The following OSGIN2 variants were observed in gnomAD, a reference collection of about 807,000 sequenced individuals.
The protein encoded by OSGIN2 is oxidative stress induced growth inhibitor family member 2, also known as oxidative stress-induced growth inhibitor 2.
A neutral mutation model predicts 53.8 loss-of-function variants in OSGIN2; 19 were observed. That is an observed-to-expected ratio of 0.35 (90% CI 0.25 to 0.52). The LOEUF is 0.52. Among genes scored for constraint, OSGIN2 ranks in the 20% least tolerant of loss-of-function variants. OSGIN2 has a pLI of 0.95. For synonymous variants in OSGIN2, 236 were observed against 236.0 expected, an observed-to-expected ratio of 1.00 and a Z score of 0.00; for missense variants, 520 against 662.7, an observed-to-expected ratio of 0.78 and a Z score of 2.36.
intron 4 of OSGIN2, among the ~76,000 whole-genome samples, chr8:89,917,960 C>G (rs1382778807): frequency 6.6e-6 from 1 of 152,124 alleles, no homozygotes; most frequent in Non-Finnish European, 1.5e-5. Flanking sequence ...TTATTTCCAT[C>G]TTTAAAAAAA....
Position 89,924,745 on chromosome 8 carries a change from C to T in OSGIN2, c.863C>T (p.Ala288Val). Reference sequence around the variant, plus strand: ...GAAATTAGGGGTTATCAGCGAATAGCTGATGGTTCTCATGTTCCCTTCTGC... The same window carrying T: ...GAAATTAGGGGTTATCAGCGAATAGTTGATGGTTCTCATGTTCCCTTCTGC... ...NWEIRGYQRI[A>V]DGSHVPFCLF... Residue 288 changes from alanine (A) to valine (V), a missense_variant, in exon 6 of 6, where the codon GCT becomes GTT. Around this residue, in one of 3 missense-constraint regions of OSGIN2, gnomAD observed 239 missense variants for 328.3 expected, o/e 0.73. Transcript: ENST00000451899. 1 of 1,614,154 alleles carries T rather than the reference C, an allele frequency of 6.2e-7. No homozygotes were observed. The highest frequency in any genetic ancestry group is 8.5e-7 in the Non-Finnish European group (1 of 1,179,998).
chr8:89,916,550 A>G (rs568823834), intron 4 of OSGIN2, among the ~76,000 whole-genome samples: 34 of 152,246 alleles, frequency 2.2e-4, no homozygotes, highest in African/African-American at 8.2e-4. Context: ...CTCCCCTGCT[A>G]TGGTTTATGT....
intron 4 of OSGIN2, among the ~76,000 whole-genome samples, chr8:89,918,433 G>C (rs1205941212): frequency 2.0e-5 from 3 of 152,040 alleles, no homozygotes; most frequent in Non-Finnish European, 4.4e-5. Flanking sequence ...CCCAGTGCTG[G>C]GATTGCAGGT....
rs1163439576 is a variant in OSGIN2 at position 89,926,755 on chromosome 8, T to C, written c.*1223T>C. On this transcript the variant is annotated 3_prime_UTR_variant, in exon 6 of 6. Transcript: ENST00000451899. ...AATTGAATTTTTCAGTCATTTTCTT[T>C]TCTTTTTTTGGTACAATTACTTCAT... The C allele has an allele frequency of 1.3e-5, 2 of 152,224 alleles. No individual in the cohort carries two copies. The highest frequency in any genetic ancestry group is 4.1e-4 in the South Asian group (2 of 4,836). 9.4% of individuals were successfully genotyped at this position (152,224 alleles called of 1,614,324 possible). A position where few individuals can be genotyped will look rare whatever the true frequency, so the allele number is the denominator to read the frequency against.
In OSGIN2 at chr8:89,927,294, TAAAAAA is replaced by T. The variant is rs34201025; in HGVS notation, c.*1770_*1775del. The T allele has an allele frequency of 6.9e-6, 1 of 144,986 alleles. No homozygotes were observed. The highest frequency in any genetic ancestry group is 1.5e-5 in the Non-Finnish European group (1 of 65,700). The allele number at this position is 144,986 out of a possible 1,614,324, so 9.0% of individuals were successfully genotyped here. A position where few individuals can be genotyped will look rare whatever the true frequency, so the allele number is the denominator to read the frequency against. On this transcript the variant is annotated 3_prime_UTR_variant, in exon 6 of 6. Coordinates refer to ENST00000451899, the MANE Select transcript of OSGIN2 (RefSeq NM_001126111.3). ...CTTTTTTTGTGATGAGAGTATTTGT[TAAAAAA>T]AAAAAAAGACTTCAAGAAAAATAAA...
rs1563483737 is a variant in OSGIN2 at position 89,927,516 on chromosome 8, T to TATCA, written c.*1985_*1988dup. 1 of 152,228 alleles carries TATCA rather than the reference T, an allele frequency of 6.6e-6. No homozygotes were observed. Among genetic ancestry groups the TATCA allele is most frequent in the African/African-American group, 2.4e-5 (1 of 41,456 alleles). 9.4% of individuals were successfully genotyped at this position (152,228 alleles called of 1,614,324 possible). ...CTAACACTTTACATTTTTTCTTTGC[T>TATCA]ATCAGCTATAGCTATTCATGGAAGG... On this transcript the variant is annotated 3_prime_UTR_variant, in exon 6 of 6. Transcript: ENST00000451899.
chr8:89,903,347 T>A (rs1808769403), intron 1 of OSGIN2, among the ~76,000 whole-genome samples: 1 of 152,160 alleles, frequency 6.6e-6, no homozygotes, highest in Non-Finnish European at 1.5e-5. Flanking sequence ...GGTTTTACAA[T>A]CACCTTATGG....
At chr8:89,905,424 T>C (rs1808819209) in intron 1 of OSGIN2, among the ~76,000 whole-genome samples, 1 of 152,216 alleles carries the variant, frequency 6.6e-6, no homozygotes. Context: ...AATATCAAAT[T>C]GGAAATCTAG....
chr8:89,902,738 GGGGAGGCGGAGGCGGCCACGGCGGCC>G lies in OSGIN2; in HGVS notation c.-54_-29del. The G allele has an allele frequency of 9.2e-7, 1 of 1,088,924 alleles. No homozygotes were observed. The highest frequency in any genetic ancestry group is 1.1e-6 in the Non-Finnish European group (1 of 875,324). The allele number at this position is 1,088,924 out of a possible 1,614,324, so 67.5% of individuals were successfully genotyped here. ...GCGCCCCGAGCGGGCAGCCTCGCCG[GGGGAGGCGGAGGCGGCCACGGCGGCC>G]GCGCTCGGGCGCCCCTCGCGCAGCG... On this transcript the variant is annotated 5_prime_UTR_variant, in exon 1 of 6. Coordinates refer to ENST00000451899, the MANE Select transcript of OSGIN2 (RefSeq NM_001126111.3).
At position 89,924,610 on chromosome 8, in the gene OSGIN2, C is replaced by T; in HGVS notation, c.728C>T (p.Thr243Ile). 1.9e-6 allele frequency: 3 copies of T among 1,613,782 alleles called. No homozygotes were observed. Among genetic ancestry groups the T allele is most frequent in the Non-Finnish European group, 1.7e-6 (2 of 1,179,670 alleles). ...QKNFRENTYI[T>I]SVSRLYRDQD... ...AATTTCAGAGAGAATACTTACATAA[C>T]TTCCGTATCAAGACTCTACAGAGAT... Residue 243 changes from threonine to isoleucine, a missense_variant, in exon 6 of 6, where the codon ACT becomes ATT. This residue lies in a region of OSGIN2 where 78 missense variants were observed against 59.1 expected (regional missense o/e 1.32). Coordinates refer to ENST00000451899, the MANE Select transcript of OSGIN2 (RefSeq NM_001126111.3).
upstream of OSGIN2, chr8:89,902,560 G>C (rs1473956885): frequency 6.5e-6 from 1 of 153,488 alleles, no homozygotes; most frequent in Non-Finnish European, 1.4e-5. Context: ...GGCGCCCCGA[G>C]ATCACCCGCC....
In OSGIN2 at chr8:89,925,046, G is replaced by C; in HGVS notation, c.1164G>C (p.Gln388His). The change falls in exon 6 of 6, where the codon CAG becomes CAC. Residue 388 changes from glutamine to histidine, a missense_variant. Gln to His is a conservative substitution (Grantham distance 24, BLOSUM62 0). Transcript: ENST00000451899. Reference protein sequence around the residue: ...RVTDPSLIFKQLPKKLYPEYH... With the variant: ...RVTDPSLIFKHLPKKLYPEYH... Reference sequence around the variant, plus strand: ...CTGATCCAAGCTTAATTTTCAAACAGCTTCCCAAAAAGCTGTATCCTGAAT... The same window carrying C: ...CTGATCCAAGCTTAATTTTCAAACACCTTCCCAAAAAGCTGTATCCTGAAT... 6.2e-7 allele frequency: 1 copy of C among 1,613,604 alleles called. No homozygotes were observed. The highest frequency in any genetic ancestry group is 8.5e-7 in the Non-Finnish European group (1 of 1,179,550).
rs114228988 is a variant in OSGIN2, at chr8:89,902,863, G to A, written c.44+26G>A. ...GTGACTTCCTCGCCGGGGATGGGAG[G>A]GGAGCAGGCGGGGATGCCGCGCTCT... is the stretch of plus-strand genomic sequence containing the variant. On this transcript the variant is annotated intron_variant, in intron 1 of 5. Transcript: ENST00000451899. The A allele has an allele frequency of 1.1e-3, 1,503 of 1,353,020 alleles. 13 individuals are homozygous for A. In the African/African-American group the frequency reaches 0.02, roughly 18 times the overall value. The allele number at this position is 1,353,020 out of a possible 1,614,324, so 83.8% of individuals were successfully genotyped here.
In OSGIN2 at chr8:89,924,785, T is replaced by C. The variant is rs1809281106; in HGVS notation, c.903T>C (p.Asn301=). The C allele has an allele frequency of 1.2e-6, 2 of 1,614,214 alleles. No homozygotes were observed. The highest frequency in any genetic ancestry group is 1.7e-6 in the Non-Finnish European group (2 of 1,180,010). The part of the protein sequence containing the change: ...SHVPFCLFAE[N]VALATGTLDS... ...TTCCCTTCTGCCTCTTTGCTGAGAA[T>C]GTAGCGCTGGCAACTGGAACGCTGG... Residue 301 remains asparagine (N), a synonymous_variant, in exon 6 of 6, where the codon AAT becomes AAC. Coordinates refer to ENST00000451899, the MANE Select transcript of OSGIN2 (RefSeq NM_001126111.3).
chr8:89,912,924 T>TG (rs752780889), intron 2 of OSGIN2, among the ~76,000 whole-genome samples: 12 of 151,910 alleles, frequency 7.9e-5, no homozygotes, highest in Non-Finnish European at 1.3e-4. Context: ...CAACTCTGGG[T>TG]GGGGGGCCGC....
intron 5 of OSGIN2, among the ~76,000 whole-genome samples, chr8:89,921,614 G>C (rs897021801): frequency 6.6e-6 from 1 of 152,116 alleles, no homozygotes; most frequent in Non-Finnish European, 1.5e-5. Flanking sequence ...AATTTAAAAT[G>C]ATGGATAAGC....
intron 2 of OSGIN2, among the ~76,000 whole-genome samples, chr8:89,910,215 C>CCT (rs1193163199): frequency 1.3e-5 from 2 of 152,160 alleles, no homozygotes; most frequent in Non-Finnish European, 2.9e-5. Flanking sequence ...CACAACACTA[C>CCT]TATTTTATAT....
intron 2 of OSGIN2, among the ~76,000 whole-genome samples, chr8:89,911,342 G>C (rs1397855308): frequency 1.3e-5 from 2 of 152,038 alleles, no homozygotes; most frequent in Admixed American, 6.6e-5. Flanking sequence ...ATAGGACTGG[G>C]ACATCTCTGG....
intron 1 of OSGIN2, 60 bp downstream of exon 1, chr8:89,902,897 T>TTGGCC (rs1213993770): frequency 8.1e-7 from 1 of 1,233,700 alleles, no homozygotes; most frequent in Non-Finnish European, 1.1e-6. Context: ...CTCGAGCTTT[T>TTGGCC]TGGCCTGGCC....
Sources: allele counts gnomAD v4.1 joint callset (sites outside exome capture counted in the v4.1 genomes callset), GRCh38; gene constraint gnomAD v4.1.1; regional missense constraint gnomAD v4.1.1; transcripts MANE v1.5; gene names NCBI Gene and HGNC (gene_info 2026-07-23, HGNC 2026-07-21).